The following KCNAB1 variants were observed in gnomAD, a reference collection of about 807,000 sequenced individuals.
KCNAB1 encodes the protein voltage-gated potassium channel subunit beta-1.
Under a neutral mutation model 64.6 loss-of-function variants are expected in KCNAB1, and 35 were observed. The observed-to-expected ratio is 0.54, with a 90% CI of 0.41 to 0.72. KCNAB1 has a LOEUF of 0.72. Among genes scored for constraint, KCNAB1 ranks in the 30% least tolerant of loss-of-function variants. KCNAB1 has a pLI of 0.00. For synonymous variants in KCNAB1, 177 were observed against 183.8 expected, an observed-to-expected ratio of 0.96 and a Z score of 0.30; for missense variants, 401 against 512.9, an observed-to-expected ratio of 0.78 and a Z score of 2.11.
At chr3:156,460,097 C>A in intron 5 of KCNAB1, 1 of 478,678 alleles carries the variant, frequency 2.1e-6, no homozygotes, top group Non-Finnish European at 3.7e-6. Context: ...AAGAGTTGAG[C>A]AGAGAAGGGG....
In KCNAB1 at chr3:156,407,806, GCAGAGCACA is replaced by G. The variant is rs1229694266; in HGVS notation, c.276-13798_276-13790del. Among the ~76,000 whole-genome samples the G allele has an allele frequency of 9.2e-5, 14 of 152,318 alleles. No homozygotes were observed. The South Asian group carries it at 2.1e-3, about 23-fold the overall frequency. On this transcript the variant is annotated intron_variant, in intron 1 of 13. Coordinates refer to ENST00000490337, the MANE Select transcript of KCNAB1 (RefSeq NM_172160.3). ...ACATTGCTCTTCCTATCTGCAATCA[GCAGAGCACA>G]CAGAGCACACAAATAACTTCATTTT...
chr3:156,433,866 G>A (rs1388192045), intron 2 of KCNAB1, among the ~76,000 whole-genome samples: 5 of 152,092 alleles, frequency 3.3e-5, no homozygotes, highest in African/African-American at 1.2e-4. Flanking sequence ...TCAATATGTT[G>A]CCCCGTGGTT....
At chr3:156,431,146 T>C (rs1716182020) in intron 2 of KCNAB1, among the ~76,000 whole-genome samples, 1 of 152,106 alleles carries the variant, frequency 6.6e-6, no homozygotes, top group Non-Finnish European at 1.5e-5. Flanking sequence ...GTGCCTGCCT[T>C]TCCCTCCTTT....
intron 13 of KCNAB1, among the ~76,000 whole-genome samples, chr3:156,535,516 G>A (rs1718992785): frequency 1.3e-5 from 2 of 151,990 alleles, no homozygotes; most frequent in South Asian, 2.1e-4. Flanking sequence ...CCAGTCCTCC[G>A]GCAGCTACTA....
chr3:156,493,432 C>G (rs1715780885), intron 8 of KCNAB1, among the ~76,000 whole-genome samples: 1 of 151,876 alleles, frequency 6.6e-6, no homozygotes, highest in Non-Finnish European at 1.5e-5. Flanking sequence ...GTACTTTTGT[C>G]TATTTTTAAA....
At chr3:156,367,060 A>G (rs890855591) in intron 1 of KCNAB1, among the ~76,000 whole-genome samples, 1 of 152,128 alleles carries the variant, frequency 6.6e-6, no homozygotes, top group African/African-American at 2.4e-5. Flanking sequence ...AGATCCTTGA[A>G]TTTGAATAGA....
chr3:156,141,124 A>G (rs577072197), intron 1 of KCNAB1, among the ~76,000 whole-genome samples: 2 of 152,136 alleles, frequency 1.3e-5, no homozygotes, highest in South Asian at 4.1e-4. Flanking sequence ...ATAAGCAGCA[A>G]TAGAGAGATT....
chr3:156,231,576 G>A (rs1716534808), intron 1 of KCNAB1, among the ~76,000 whole-genome samples: 1 of 145,590 alleles, frequency 6.9e-6, no homozygotes. Context: ...CCTAGCTCCA[G>A]GAGATAATCA....
chr3:156,328,909 A>G (rs940484357), intron 1 of KCNAB1, among the ~76,000 whole-genome samples: 7 of 152,088 alleles, frequency 4.6e-5, no homozygotes, highest in Admixed American at 1.3e-4. Flanking sequence ...TGATATTTGT[A>G]TTATTTCTAT....
chr3:156,147,271 T>G (rs1715094693), intron 1 of KCNAB1, among the ~76,000 whole-genome samples: 1 of 152,224 alleles, frequency 6.6e-6, no homozygotes, highest in African/African-American at 2.4e-5. Context: ...CACCTCTTCC[T>G]GATCTGTAAA....
At chr3:156,454,422 C>T (rs145071220) in intron 3 of KCNAB1, among the ~76,000 whole-genome samples, 15 of 152,238 alleles carry the variant, frequency 9.9e-5, no homozygotes, top group African/African-American at 2.2e-4. Context: ...AGAGGCTGAT[C>T]GGGAAGCAGG....
intron 1 of KCNAB1, among the ~76,000 whole-genome samples, chr3:156,298,002 G>A (rs1030213208): frequency 4.6e-5 from 7 of 152,160 alleles, no homozygotes; most frequent in Non-Finnish European, 7.4e-5. Context: ...AAAGAATACC[G>A]TTGTCATTTC....
At chr3:156,249,367 A>G (rs1434736504) in intron 1 of KCNAB1, among the ~76,000 whole-genome samples, 1 of 151,978 alleles carries the variant, frequency 6.6e-6, no homozygotes, top group Non-Finnish European at 1.5e-5. Context: ...GTTCGAGATC[A>G]GCCTGGCCAG....
rs757072307 is a variant in KCNAB1, at chr3:156,463,744, A to G, written c.525A>G (p.Gly175=). 5.0e-6 allele frequency: 8 copies of G among 1,601,998 alleles called. No individual in the cohort carries two copies. The highest frequency in any genetic ancestry group is 4.0e-5 in the African/African-American group (3 of 74,230). The part of the protein sequence containing the change: ...LVITTKLYWG[G]KAETERGLSR... ...TAACAACCAAACTCTACTGGGGTGG[A>G]AAGTAAGTTATTTTTCCTACTAAAC... The change falls in exon 6 of 14, where the codon GGA becomes GGG. Residue 175 remains glycine (G), a splice_region_variant and synonymous_variant. Transcript: ENST00000490337.
Position 156,293,738 on chromosome 3 carries a change from G to A in KCNAB1, c.276-127878G>A, listed in dbSNP as rs182029148. 2.0e-5 allele frequency among the ~76,000 whole-genome samples: 3 copies of A among 152,322 alleles called. No individual in the cohort carries two copies. The East Asian group carries it at 5.8e-4, about 29-fold the overall frequency. ...ATATCCCTGTGATGGAGAGAGTGGG[G>A]CACCACAATGACAGTTCTCTAAATG... On this transcript the variant is annotated intron_variant, in intron 1 of 13. Coordinates refer to ENST00000490337, the MANE Select transcript of KCNAB1 (RefSeq NM_172160.3).
chr3:156,163,568 C>G (rs1716202742), intron 1 of KCNAB1, among the ~76,000 whole-genome samples: 1 of 152,128 alleles, frequency 6.6e-6, no homozygotes, highest in Admixed American at 6.5e-5. Context: ...CGTACCTCAC[C>G]TAAAAACATT....
At chr3:156,341,976 G>A (rs1231716061) in intron 1 of KCNAB1, among the ~76,000 whole-genome samples, 2 of 152,104 alleles carry the variant, frequency 1.3e-5, no homozygotes, top group Non-Finnish European at 2.9e-5. Flanking sequence ...GGATATGTCT[G>A]GAAAGGTTTA....
At chr3:156,360,803 C>G (rs1366176282) in intron 1 of KCNAB1, among the ~76,000 whole-genome samples, 1 of 151,962 alleles carries the variant, frequency 6.6e-6, no homozygotes, top group East Asian at 1.9e-4. Context: ...AACATCTAAT[C>G]TGTCAGCAAA....
chr3:156,290,650 G>A (rs923284391), intron 1 of KCNAB1, among the ~76,000 whole-genome samples: 1 of 152,114 alleles, frequency 6.6e-6, no homozygotes, highest in African/African-American at 2.4e-5. Context: ...CCTCACAGGT[G>A]GCCACAGATG....
Sources: allele counts gnomAD v4.1 joint callset (sites outside exome capture counted in the v4.1 genomes callset), GRCh38; gene constraint gnomAD v4.1.1; transcripts MANE v1.5; gene names NCBI Gene and HGNC (gene_info 2026-07-23, HGNC 2026-07-21).